Variants in SHISAL2A observed in about 807,000 individuals in gnomAD.
SHISAL2A encodes protein shisa-like-2A.
Under a neutral mutation model 11.5 loss-of-function variants are expected in SHISAL2A, and 18 were observed. The observed-to-expected ratio is 1.57, with a 90% CI of 1.08 to 2.33. The LOEUF (loss-of-function observed/expected upper bound fraction) is 2.33. SHISAL2A is among the 30% of genes most tolerant of loss of function. The pLI is 0.00. For missense variants in SHISAL2A, 261 were observed against 250.9 expected (o/e 1.04, Z -0.27); for synonymous variants, 94 against 99.6 (o/e 0.94, Z 0.34).
Position 52,633,737 on chromosome 1 carries a change from G to A in SHISAL2A, c.182+62G>A. ...CTCCAGTCTCAGCGCCTTCACCCCAGCCTCAGCCCCCACCCGAGTGTCCAC... is the reference window on the plus strand; with the variant it reads ...CTCCAGTCTCAGCGCCTTCACCCCAACCTCAGCCCCCACCCGAGTGTCCAC... On this transcript the variant is annotated intron_variant, in intron 1 of 2. Transcript: ENST00000517870. This position sits in a 1 kb window ranked among gnomAD's most constrained non-coding sequence, Gnocchi z 6.4. The A allele has an allele frequency of 7.1e-7, 1 of 1,414,006 alleles. No homozygotes were observed. Among genetic ancestry groups the A allele is most frequent in the Non-Finnish European group, 9.8e-7 (1 of 1,016,514 alleles). 87.6% of individuals were successfully genotyped at this position (1,414,006 alleles called of 1,614,324 possible).
intron 2 of SHISAL2A, among the ~76,000 whole-genome samples, chr1:52,651,658 C>T (rs890375680): frequency 2.0e-5 from 3 of 152,174 alleles, no homozygotes; most frequent in Admixed American, 2.0e-4. Context: ...AGTTCTCCTG[C>T]CTCAGCTGGC....
intron 1 of SHISAL2A, among the ~76,000 whole-genome samples, chr1:52,641,906 C>T (rs1691374378): frequency 6.6e-6 from 1 of 151,984 alleles, no homozygotes; most frequent in Non-Finnish European, 1.5e-5. Flanking sequence ...AATTTAAGAC[C>T]AGCCTGGGCA....
At chr1:52,644,008 A>G (rs745442313) in intron 2 of SHISAL2A, among the ~76,000 whole-genome samples, 1 of 152,192 alleles carries the variant, frequency 6.6e-6, no homozygotes, top group Non-Finnish European at 1.5e-5. Context: ...TTGGTAGCCA[A>G]TGCTCAAAAT....
intron 1 of SHISAL2A, among the ~76,000 whole-genome samples, chr1:52,637,128 A>G (rs1691253974): frequency 6.6e-6 from 1 of 152,154 alleles, no homozygotes; most frequent in Non-Finnish European, 1.5e-5. Flanking sequence ...TCTCTGGGGT[A>G]ACATCCCATG....
chr1:52,651,852 T>C (rs1287723934), intron 2 of SHISAL2A, among the ~76,000 whole-genome samples: 1 of 152,210 alleles, frequency 6.6e-6, no homozygotes. Flanking sequence ...CTTCAGAACT[T>C]GGAGTTCAAA....
intron 4 of SHISAL2A, among the ~76,000 whole-genome samples, chr1:52,663,080 A>G (rs1439770514): frequency 6.6e-6 from 1 of 152,168 alleles, no homozygotes; most frequent in Non-Finnish European, 1.5e-5. Flanking sequence ...TGGCTGCTGT[A>G]GGTTACCATG....
rs1016882374 is a variant in SHISAL2A at position 52,641,649 on chromosome 1, C to T, written c.183-1214C>T. On this transcript the variant is annotated intron_variant, in intron 1 of 2. Transcript: ENST00000517870. The stretch of plus-strand genomic sequence containing the variant: ...ACCATGGAGGTTGGGTCAGAAGTTA[C>T]CTGAGGCTTGCCTGGGCACGGTTGG... Among the ~76,000 whole-genome samples, 7 of 152,278 alleles carry T rather than the reference C, an allele frequency of 4.6e-5. No homozygotes were observed. The East Asian group carries it at 1.4e-3, about 29-fold the overall frequency.
In SHISAL2A at chr1:52,633,414, G is replaced by T; in HGVS notation, c.-80G>T. The T allele has an allele frequency of 3.2e-6, 4 of 1,269,146 alleles. No homozygotes were observed. The highest frequency in any genetic ancestry group is 3.1e-6 in the Non-Finnish European group (3 of 967,516). 78.6% of individuals were successfully genotyped at this position (1,269,146 alleles called of 1,614,324 possible). On this transcript the variant is annotated 5_prime_UTR_variant, in exon 1 of 3. Coordinates refer to ENST00000517870, the MANE Select transcript of SHISAL2A (RefSeq NM_001042693.3). This position sits in a 1 kb window ranked among gnomAD's most constrained non-coding sequence, Gnocchi z 6.4. ...CCGTTCTCAGGCTCAGCTCCGTCTC[G>T]CTCGGTCCCTCGCTTCCCCGCCGGG...
intron 2 of SHISAL2A, among the ~76,000 whole-genome samples, chr1:52,654,673 A>G (rs1383919939): frequency 1.3e-5 from 2 of 152,358 alleles, no homozygotes; most frequent in Non-Finnish European, 2.9e-5. Context: ...ATGTAAACCA[A>G]AAAACTCTAA....
Position 52,633,523 on chromosome 1 carries a change from C to A in SHISAL2A, c.30C>A (p.Ser10Arg). 1.3e-6 allele frequency: 2 copies of A among 1,585,994 alleles called. No homozygotes were observed. The highest frequency in any genetic ancestry group is 2.3e-5 in the South Asian group (2 of 88,610). The change falls in exon 1 of 3, where the codon AGC becomes AGA. Residue 10 changes from serine (S) to arginine (R), a missense_variant. By Grantham distance (110) the Ser-to-Arg change is moderately radical. Transcript: ENST00000517870. This position sits in a 1 kb window ranked among gnomAD's most constrained non-coding sequence, Gnocchi z 6.4. MSGACTSYV[S>R]AEQEVVRGFS... Reference sequence around the variant, plus strand: ...GCGGCGCCTGCACGAGCTACGTGAGCGCAGAGCAGGAGGTGGTGCGCGGCT... The same window carrying A: ...GCGGCGCCTGCACGAGCTACGTGAGAGCAGAGCAGGAGGTGGTGCGCGGCT...
chr1:52,638,183 C>T (rs771334324), intron 1 of SHISAL2A, among the ~76,000 whole-genome samples: 6 of 152,078 alleles, frequency 3.9e-5, no homozygotes, highest in Admixed American at 6.6e-5. Flanking sequence ...GACTGACCTC[C>T]GATCTGGAAT....
In SHISAL2A at chr1:52,656,976, A is replaced by G. The variant is rs145105252; in HGVS notation, c.509A>G (p.Asp170Gly). The stretch of plus-strand genomic sequence containing the variant: ...TTCATGGCCACAGTGACCACCAGTG[A>G]CATTCCAGGCAGCCCTGAGGAAGCC... ...HCFMATVTTS[D>G]IPGSPEEASV... Residue 170 changes from aspartate (D) to glycine (G), a missense_variant, in exon 3 of 3, where the codon GAC (aspartate) becomes GGC (glycine). Physicochemically the swap from Asp to Gly is moderately conservative, Grantham distance 94 (BLOSUM62 -1). Coordinates refer to ENST00000517870, the MANE Select transcript of SHISAL2A (RefSeq NM_001042693.3). 1,990 of 1,614,194 alleles carry G rather than the reference A, an allele frequency of 1.2e-3. 3 individuals are homozygous for G. The highest frequency in any genetic ancestry group is 1.5e-3 in the Non-Finnish European group (1,786 of 1,180,012).
At chr1:52,647,879 A>G (rs1691536936) in intron 2 of SHISAL2A, among the ~76,000 whole-genome samples, 1 of 151,342 alleles carries the variant, frequency 6.6e-6, no homozygotes, top group Admixed American at 6.6e-5. Context: ...TCTTTATTAA[A>G]AAAAAAAAAT....
chr1:52,664,691 T>C (rs1419697236), intron 4 of SHISAL2A, among the ~76,000 whole-genome samples: 1 of 152,006 alleles, frequency 6.6e-6, no homozygotes, highest in Admixed American at 6.6e-5. Context: ...AGAGACGGGG[T>C]TTCACTGTGT....
chr1:52,660,198 G>A (rs1472569145), downstream of SHISAL2A, among the ~76,000 whole-genome samples: 2 of 152,168 alleles, frequency 1.3e-5, no homozygotes, highest in South Asian at 2.1e-4. Context: ...AGATGTGGGG[G>A]AGACCGCACA....
intron 5 of SHISAL2A, among the ~76,000 whole-genome samples, chr1:52,668,225 A>G (rs962204229): frequency 6.6e-6 from 1 of 152,176 alleles, no homozygotes; most frequent in Non-Finnish European, 1.5e-5. Context: ...ATAGCTGGGG[A>G]AAGTCTGAAG....
chr1:52,654,969 G>A (rs1180433403), intron 2 of SHISAL2A, among the ~76,000 whole-genome samples: 1 of 152,100 alleles, frequency 6.6e-6, no homozygotes, highest in Non-Finnish European at 1.5e-5. Context: ...GATCACTTGA[G>A]GTCAGGAGTT....
At chr1:52,636,679 G>T (rs1691242694) in intron 1 of SHISAL2A, among the ~76,000 whole-genome samples, 1 of 152,192 alleles carries the variant, frequency 6.6e-6, no homozygotes, top group Admixed American at 6.5e-5. Context: ...CTATCCAAGG[G>T]TTAGATGCTC....
intron 4 of SHISAL2A, among the ~76,000 whole-genome samples, chr1:52,666,097 C>G (rs745782668): frequency 4.6e-5 from 7 of 152,072 alleles, no homozygotes; most frequent in Non-Finnish European, 1.0e-4. Context: ...TGGATACTTA[C>G]GAAGAAATGT....
Sources: gnomAD v4.1 joint callset for allele counts (sites outside exome capture counted in the v4.1 genomes callset) on GRCh38, gnomAD v4.1.1 for gene constraint, Gnocchi (gnomAD v3.1) non-coding constraint, MANE v1.5 for transcripts, NCBI Gene and HGNC (gene_info 2026-07-23, HGNC 2026-07-21) for gene names.